BRINP3: variants seen among roughly 807,000 people sequenced by gnomAD.
BRINP3 encodes BMP/retinoic acid-inducible neural-specific protein 3.
Under a neutral mutation model 71.0 loss-of-function variants are expected in BRINP3, and 19 were observed. That is an observed-to-expected ratio of 0.27 (90% CI 0.19 to 0.39). The LOEUF (loss-of-function observed/expected upper bound fraction) is 0.39. Ranked by LOEUF, BRINP3 falls within the 10% of genes least tolerant of loss-of-function variation. The pLI, the probability that BRINP3 is intolerant of heterozygous loss-of-function variation, is 1.00. For missense variants in BRINP3, 959 were observed against 940.8 expected, an observed-to-expected ratio of 1.02 and a Z score of -0.25; for synonymous variants, 380 against 337.7, an observed-to-expected ratio of 1.13 and a Z score of -1.37.
chr1:190,386,028 C>A (rs1358436342), intron 2 of BRINP3, among the ~76,000 whole-genome samples: 3 of 139,598 alleles, frequency 2.1e-5, no homozygotes, highest in African/African-American at 5.4e-5. Context: ...GGGAATTGAA[C>A]AATGAGATCA....
intron 2 of BRINP3, among the ~76,000 whole-genome samples, chr1:190,376,908 G>A (rs1024241397): frequency 1.3e-5 from 2 of 151,838 alleles, no homozygotes; most frequent in African/African-American, 4.8e-5. Flanking sequence ...AAATATCCAC[G>A]CATGGTCTAG....
chr1:190,411,849 C>A lies in BRINP3; in HGVS notation c.236+42806G>T, dbSNP rs116964992. On this transcript the variant is annotated intron_variant, in intron 2 of 7. Coordinates refer to ENST00000367462, the MANE Select transcript of BRINP3 (RefSeq NM_199051.3). ...TTAGAGAAGTGAAAGAAAGCTAAAT[C>A]CTAAGAGCTTGAAAAGATGGATGTA... is the stretch of plus-strand genomic sequence containing the variant. Among the ~76,000 whole-genome samples, 75 of 152,144 alleles carry A rather than the reference C, an allele frequency of 4.9e-4. No homozygotes were observed. In the East Asian group the frequency reaches 0.013, roughly 26 times the overall value.
chr1:190,132,869 G>A (rs1165081658), intron 7 of BRINP3, among the ~76,000 whole-genome samples: 1 of 152,012 alleles, frequency 6.6e-6, no homozygotes, highest in Non-Finnish European at 1.5e-5. Context: ...TCTAACTTTT[G>A]GATCACTAAC....
chr1:190,103,329 G>C (rs887465434), intron 7 of BRINP3, among the ~76,000 whole-genome samples: 1 of 152,098 alleles, frequency 6.6e-6, no homozygotes, highest in Non-Finnish European at 1.5e-5. Context: ...ACCTACGACA[G>C]AGTCTTACAC....
intron 7 of BRINP3, among the ~76,000 whole-genome samples, chr1:190,145,415 C>T (rs958003073): frequency 1.3e-5 from 2 of 152,104 alleles, no homozygotes; most frequent in Non-Finnish European, 2.9e-5. Flanking sequence ...TCACTGTGTT[C>T]TCATAGCACT....
At chr1:190,274,788 T>C (rs1437984684) in intron 3 of BRINP3, among the ~76,000 whole-genome samples, 1 of 151,492 alleles carries the variant, frequency 6.6e-6, no homozygotes, top group African/African-American at 2.4e-5. Flanking sequence ...TCTACTAGTA[T>C]GGTATTGTGG....
intron 2 of BRINP3, among the ~76,000 whole-genome samples, chr1:190,320,152 T>C (rs1354861813): frequency 2.0e-5 from 3 of 152,196 alleles, no homozygotes; most frequent in Non-Finnish European, 1.5e-5. Flanking sequence ...AGGGTTAACT[T>C]CCTACAGTAT....
intron 2 of BRINP3, among the ~76,000 whole-genome samples, chr1:190,419,048 G>A (rs1429644249): frequency 6.6e-6 from 1 of 151,914 alleles, no homozygotes; most frequent in East Asian, 1.9e-4. Context: ...TTCTATGTAA[G>A]ATACCATTTA....
At chr1:190,462,599 A>G (rs1202841930) in intron 1 of BRINP3, among the ~76,000 whole-genome samples, 1 of 152,148 alleles carries the variant, frequency 6.6e-6, no homozygotes, top group African/African-American at 2.4e-5. Context: ...ATAAAATGAA[A>G]TGCTATTTTT....
At chr1:190,404,958 A>G (rs1051087830) in intron 2 of BRINP3, among the ~76,000 whole-genome samples, 3 of 152,176 alleles carry the variant, frequency 2.0e-5, no homozygotes, top group African/African-American at 7.2e-5. Flanking sequence ...AAGGCTGTTA[A>G]AAGTCCTTCA....
chr1:190,174,556 T>C (rs1199883402), intron 6 of BRINP3, among the ~76,000 whole-genome samples: 1 of 152,122 alleles, frequency 6.6e-6, no homozygotes, highest in African/African-American at 2.4e-5. Context: ...ACATATTTTG[T>C]TTAGAATGTA....
At chr1:190,108,357 T>TGC (rs1252521767) in intron 7 of BRINP3, among the ~76,000 whole-genome samples, 1 of 151,886 alleles carries the variant, frequency 6.6e-6, no homozygotes, top group Non-Finnish European at 1.5e-5. Flanking sequence ...TGTGTGTGTG[T>TGC]GCGCACACGC....
chr1:190,303,999 G>GA (rs1408660852), intron 2 of BRINP3, among the ~76,000 whole-genome samples: 1 of 151,386 alleles, frequency 6.6e-6, no homozygotes, highest in Admixed American at 6.6e-5. Flanking sequence ...ATCTAATGAA[G>GA]AAAAAACACT....
At chr1:190,357,844 G>A (rs1668839419) in intron 2 of BRINP3, among the ~76,000 whole-genome samples, 1 of 151,906 alleles carries the variant, frequency 6.6e-6, no homozygotes, top group Non-Finnish European at 1.5e-5. Flanking sequence ...AGAGCCCTCA[G>A]AAATAATACC....
chr1:190,258,719 G>A lies in BRINP3; in HGVS notation c.618+6146C>T, dbSNP rs565268376. 2.0e-5 allele frequency among the ~76,000 whole-genome samples: 3 copies of A among 152,304 alleles called. No individual in the cohort carries two copies. In the East Asian group the frequency reaches 5.8e-4, roughly 29 times the overall value. On this transcript the variant is annotated intron_variant, in intron 4 of 7. Transcript: ENST00000367462. ...TAGGAAGACAGAGACTTTCTTAAGT[G>A]ATGACCTTGATTTCTTTTATCACAT...
At chr1:190,286,436 A>T (rs926005789) in intron 2 of BRINP3, among the ~76,000 whole-genome samples, 2 of 152,108 alleles carry the variant, frequency 1.3e-5, no homozygotes, top group Admixed American at 1.3e-4. Flanking sequence ...AACTGTCATG[A>T]TTTCTTTAAA....
chr1:190,425,724 G>A (rs929731069), intron 2 of BRINP3, among the ~76,000 whole-genome samples: 2 of 151,816 alleles, frequency 1.3e-5, no homozygotes, highest in Non-Finnish European at 3.0e-5. Context: ...CAACAGCTAA[G>A]TTGGCAAAAC....
At chr1:190,107,885 T>C (rs748365986) in intron 7 of BRINP3, among the ~76,000 whole-genome samples, 3 of 152,004 alleles carry the variant, frequency 2.0e-5, no homozygotes, top group Non-Finnish European at 2.9e-5. Context: ...GAATTTATGA[T>C]CTGGAAAATA....
chr1:190,165,731 C>T (rs989609671), intron 6 of BRINP3, among the ~76,000 whole-genome samples: 21 of 150,996 alleles, frequency 1.4e-4, no homozygotes, highest in Admixed American at 1.3e-3. Context: ...TCAAAAACCT[C>T]GACACTACAG....
Sources: allele counts gnomAD v4.1 joint callset (sites outside exome capture counted in the v4.1 genomes callset), GRCh38; gene constraint gnomAD v4.1.1; transcripts MANE v1.5; gene names NCBI Gene and HGNC (gene_info 2026-07-23, HGNC 2026-07-21).